The following SHANK2 variants were observed in gnomAD, a reference collection of about 807,000 sequenced individuals.
SHANK2 encodes the protein SH3 and multiple ankyrin repeat domains 2, also known as SH3 and multiple ankyrin repeat domains protein 2.
In SHANK2, 43 loss-of-function variants were observed where a neutral mutation model predicts 133.7. The observed-to-expected ratio is 0.32, with a 90% confidence interval of 0.25 to 0.41. SHANK2 has a LOEUF of 0.41. Among genes scored for constraint, SHANK2 ranks in the 10% least tolerant of loss-of-function variants. The pLI is 1.00. For missense variants in SHANK2, 1,994 were observed against 2,235.8 expected (o/e 0.89, Z 2.18); for synonymous variants, 1,017 against 952.8 (o/e 1.07, Z -1.24).
intron 17 of SHANK2, among the ~76,000 whole-genome samples, chr11:70,548,648 C>T (rs1554976966): frequency 6.6e-6 from 1 of 152,206 alleles, no homozygotes; most frequent in African/African-American, 2.4e-5. Context: ...AGTGCTGAAC[C>T]CTGGCTGTTG....
At chr11:71,222,521 G>A (rs1020002466) in intron 2 of SHANK2, among the ~76,000 whole-genome samples, 6 of 152,218 alleles carry the variant, frequency 3.9e-5, no homozygotes, top group Non-Finnish European at 7.3e-5. Flanking sequence ...GCTGTGAACC[G>A]AGGCCCAGCT....
intron 17 of SHANK2, among the ~76,000 whole-genome samples, chr11:70,628,383 G>A (rs1028191896): frequency 6.6e-6 from 1 of 152,180 alleles, no homozygotes; most frequent in Non-Finnish European, 1.5e-5. Flanking sequence ...AAAGTCGGGG[G>A]CGGAGAGGGC....
intron 14 of SHANK2, among the ~76,000 whole-genome samples, chr11:70,783,540 T>C (rs1246260123): frequency 4.6e-5 from 7 of 152,118 alleles, no homozygotes; most frequent in Admixed American, 6.5e-5. Flanking sequence ...TGTCTCCATA[T>C]GGCTCACGAG....
intron 12 of SHANK2, among the ~76,000 whole-genome samples, chr11:70,813,843 C>T (rs1056741464): frequency 7.9e-5 from 12 of 152,204 alleles, no homozygotes; most frequent in South Asian, 2.1e-4. Flanking sequence ...CTGTGCGTCT[C>T]GGGCCTGAGG....
At chr11:70,583,805 C>A (rs1239458824) in intron 17 of SHANK2, among the ~76,000 whole-genome samples, 1 of 152,214 alleles carries the variant, frequency 6.6e-6, no homozygotes, top group African/African-American at 2.4e-5. Flanking sequence ...CAAGATCTCA[C>A]CATCACCCCA....
chr11:70,905,463 T>G (rs892419602), intron 10 of SHANK2, among the ~76,000 whole-genome samples: 1 of 152,186 alleles, frequency 6.6e-6, no homozygotes, highest in African/African-American at 2.4e-5. Context: ...CTGAGCCCAG[T>G]GGCCGTGCGG....
intron 15 of SHANK2, among the ~76,000 whole-genome samples, chr11:70,665,278 C>T (rs553230): frequency 0.027 from 4,183 of 152,220 alleles, 199 homozygotes; most frequent in African/African-American, 0.096. Context: ...GTAGCTGGGA[C>T]TACAGGCACA....
At chr11:71,192,040 T>C (rs1161383509) in intron 2 of SHANK2, among the ~76,000 whole-genome samples, 1 of 151,984 alleles carries the variant, frequency 6.6e-6, no homozygotes, top group African/African-American at 2.4e-5. Context: ...TTTGTATTTT[T>C]AGTAGAGATG....
intron 12 of SHANK2, among the ~76,000 whole-genome samples, chr11:70,811,840 G>A (rs36098560): frequency 6.6e-6 from 1 of 151,292 alleles, no homozygotes; most frequent in African/African-American, 2.4e-5. Flanking sequence ...ATTCATCCAT[G>A]CATCTACCCA....
chr11:70,688,965 T>C (rs1945215045), intron 15 of SHANK2, among the ~76,000 whole-genome samples: 1 of 152,238 alleles, frequency 6.6e-6, no homozygotes, highest in South Asian at 2.1e-4. Flanking sequence ...TGTCTATCTT[T>C]GCTTAGAACT....
intron 14 of SHANK2, among the ~76,000 whole-genome samples, chr11:70,715,371 C>T (rs912211704): frequency 6.6e-6 from 1 of 152,166 alleles, no homozygotes; most frequent in African/African-American, 2.4e-5. Flanking sequence ...GGATGCCTCC[C>T]ACCCTGGGCA....
chr11:71,135,890 C>A (rs1175373419), intron 3 of SHANK2, among the ~76,000 whole-genome samples: 1 of 152,102 alleles, frequency 6.6e-6, no homozygotes, highest in Non-Finnish European at 1.5e-5. Context: ...TGGTCTGAAG[C>A]TGTTCTGGTT....
intron 3 of SHANK2, among the ~76,000 whole-genome samples, chr11:71,141,054 T>C (rs1486660816): frequency 4.6e-5 from 7 of 152,178 alleles, no homozygotes; most frequent in Non-Finnish European, 5.9e-5. Context: ...TAAAGTGGGA[T>C]TAAGCATAAA....
At chr11:70,559,710 C>T (rs965299683) in intron 17 of SHANK2, among the ~76,000 whole-genome samples, 5 of 152,212 alleles carry the variant, frequency 3.3e-5, no homozygotes, top group African/African-American at 4.8e-5. Flanking sequence ...CCAAGGAGGA[C>T]GTGCATCGTA....
rs1226225966 is a variant in SHANK2 at position 70,471,075 on chromosome 11, T to TTTTC, written c.*1790_*1793dup. The TTTTC allele has an allele frequency of 7.7e-6, 3 of 389,628 alleles. No individual in the cohort carries two copies. Among genetic ancestry groups the TTTTC allele is most frequent in the African/African-American group, 6.2e-5 (3 of 48,528 alleles). The allele number at this position is 389,628 out of a possible 1,614,324, so 24.1% of individuals were successfully genotyped here. A position where few individuals can be genotyped will look rare whatever the true frequency, so the allele number is the denominator to read the frequency against. ...GTATTATTAAATCACAAAAGTTTTT[T>TTTTC]TTTCTTTAACTTTCTAGCACTGAAG... On this transcript the variant is annotated 3_prime_UTR_variant, in exon 26 of 26. Transcript: ENST00000601538. The surrounding 1 kb of genome is among the most constrained non-coding windows in gnomAD (Gnocchi z 4.1).
intron 11 of SHANK2, among the ~76,000 whole-genome samples, chr11:70,838,931 G>GC (rs1169343850): frequency 3.9e-5 from 6 of 152,160 alleles, no homozygotes; most frequent in African/African-American, 7.2e-5. Context: ...AGGGTGGGGG[G>GC]CCCCTCTTCT....
At chr11:70,827,713 A>G (rs1948666655) in intron 11 of SHANK2, among the ~76,000 whole-genome samples, 1 of 148,886 alleles carries the variant, frequency 6.7e-6, no homozygotes, top group East Asian at 2.0e-4. Context: ...ACACACACAC[A>G]CACACACACA....
chr11:70,561,681 G>A (rs908782669), intron 17 of SHANK2, among the ~76,000 whole-genome samples: 8 of 146,736 alleles, frequency 5.5e-5, no homozygotes, highest in East Asian at 4.2e-4. Flanking sequence ...GACGTGCACC[G>A]TCACACCCAG....
chr11:70,725,175 G>A (rs376148735), intron 14 of SHANK2, among the ~76,000 whole-genome samples: 3 of 152,112 alleles, frequency 2.0e-5, no homozygotes, highest in African/African-American at 4.8e-5. Flanking sequence ...AATAAGCACC[G>A]TACAGTGTAC....
Sources: gnomAD v4.1 joint callset for allele counts (sites outside exome capture counted in the v4.1 genomes callset) on GRCh38, gnomAD v4.1.1 for gene constraint, Gnocchi (gnomAD v3.1) non-coding constraint, MANE v1.5 for transcripts, NCBI Gene and HGNC (gene_info 2026-07-23, HGNC 2026-07-21) for gene names.